TSPEAR: variants seen among roughly 807,000 people sequenced by gnomAD.
TSPEAR encodes thrombospondin type laminin G domain and EAR repeats.
TSPEAR carries 69 observed loss-of-function variants against 71.6 expected under a neutral mutation model. The ratio of observed to expected loss-of-function variants is 0.96; its 90% CI spans 0.79 to 1.18. The LOEUF is 1.18. Ranked by LOEUF, TSPEAR falls within the 50% of genes most tolerant of loss-of-function variation. The probability of loss-of-function intolerance (pLI) is 0.00; values close to 1 mark genes in which losing one functional copy is unlikely to be tolerated. For synonymous variants in TSPEAR, 402 were observed against 387.2 expected, an observed-to-expected ratio of 1.04 and a Z score of -0.45; for missense variants, 971 against 894.9, an observed-to-expected ratio of 1.09 and a Z score of -1.09.
intron 1 of TSPEAR, chr21:44,676,267 A>G (rs1986308125): frequency 6.3e-6 from 8 of 1,264,738 alleles, no homozygotes; most frequent in Non-Finnish European, 9.3e-6. Flanking sequence ...TTCACTGTAC[A>G]CCCCATGGGT....
chr21:44,644,051 C>T (rs1984168594), intron 1 of TSPEAR, among the ~76,000 whole-genome samples: 1 of 152,252 alleles, frequency 6.6e-6, no homozygotes, highest in African/African-American at 2.4e-5. Context: ...TCCAGACTCA[C>T]ATCCCCTCCC....
rs374557576 is a variant in TSPEAR at position 44,593,842 on chromosome 21, G to C, written c.83-25837C>G. 1.3e-5 allele frequency among the ~76,000 whole-genome samples: 2 copies of C among 152,152 alleles called. No individual in the cohort carries two copies. The highest frequency in any genetic ancestry group is 4.8e-5 in the African/African-American group (2 of 41,432). On this transcript the variant is annotated intron_variant, in intron 1 of 11. Coordinates refer to ENST00000323084, the MANE Select transcript of TSPEAR (RefSeq NM_144991.3). The surrounding 1 kb of genome is among the most constrained non-coding windows in gnomAD (Gnocchi z 5.9). ...TGGCCCCGCGATGAGGATGAGCAAG[G>C]TTCAAACGACTGCAGCTCATCCACC...
At chr21:44,645,911 G>A (rs967504525) in intron 1 of TSPEAR, among the ~76,000 whole-genome samples, 18 of 151,586 alleles carry the variant, frequency 1.2e-4, no homozygotes, top group Middle Eastern at 3.4e-3. Context: ...AGGCTGAGGC[G>A]GGTAGATCAT....
chr21:44,526,345 T>A (rs2052854551), intron 7 of TSPEAR, among the ~76,000 whole-genome samples: 1 of 152,190 alleles, frequency 6.6e-6, no homozygotes, highest in Non-Finnish European at 1.5e-5. Flanking sequence ...GACGATGTGC[T>A]TGGAGGCAAG....
intron 1 of TSPEAR, among the ~76,000 whole-genome samples, chr21:44,628,450 G>T (rs1377146225): frequency 6.6e-6 from 1 of 151,850 alleles, no homozygotes; most frequent in Non-Finnish European, 1.5e-5. Flanking sequence ...GCTCTGGGGG[G>T]CTGGGCCCCG....
At chr21:44,539,268 A>G (rs2053154929) in intron 2 of TSPEAR, 1 of 1,597,516 alleles carries the variant, frequency 6.3e-7, no homozygotes, top group Non-Finnish European at 8.5e-7. Context: ...GCGGGTGCCC[A>G]TCAGCAGCTG....
intron 1 of TSPEAR, among the ~76,000 whole-genome samples, chr21:44,599,948 A>G (rs425276): frequency 1.3e-5 from 2 of 152,066 alleles, no homozygotes; most frequent in African/African-American, 4.8e-5. Context: ...GGGGGCCCCA[A>G]ACAGGGATCT....
At chr21:44,678,569 G>A (rs1433405870) in intron 1 of TSPEAR, among the ~76,000 whole-genome samples, 2 of 152,096 alleles carry the variant, frequency 1.3e-5, no homozygotes, top group Admixed American at 1.3e-4. Context: ...TATCTTTATA[G>A]CAATGTAAGA....
chr21:44,691,650 A>T (rs1347583081), intron 1 of TSPEAR, among the ~76,000 whole-genome samples: 2 of 152,244 alleles, frequency 1.3e-5, no homozygotes, highest in Non-Finnish European at 2.9e-5. Context: ...TTCATTTTCA[A>T]TAATGAACAG....
intron 1 of TSPEAR, among the ~76,000 whole-genome samples, chr21:44,569,071 A>C (rs2053748505): frequency 6.6e-6 from 1 of 151,934 alleles, no homozygotes; most frequent in Non-Finnish European, 1.5e-5. Flanking sequence ...GGAGAGCAGG[A>C]CTCCACTCCA....
At chr21:44,706,420 C>T (rs1987924163) in intron 1 of TSPEAR, among the ~76,000 whole-genome samples, 1 of 151,648 alleles carries the variant, frequency 6.6e-6, no homozygotes, top group East Asian at 1.9e-4. Context: ...TGCACACACA[C>T]GCGCGCACAC....
rs587726596 is a variant in TSPEAR, at chr21:44,600,163, G to A, written c.83-32158C>T. The stretch of plus-strand genomic sequence containing the variant: ...CCACCCTCATGCCATCATTGACAGG[G>A]GCTTCTCTAGCCTGGCATTCCAGAA... On this transcript the variant is annotated intron_variant, in intron 1 of 11. Coordinates refer to ENST00000323084, the MANE Select transcript of TSPEAR (RefSeq NM_144991.3). Among the ~76,000 whole-genome samples the A allele has an allele frequency of 7.9e-5, 12 of 152,142 alleles. 1 individual carries two copies. The South Asian group carries it at 2.5e-3, about 32-fold the overall frequency.
chr21:44,539,133 G>A, intron 2 of TSPEAR: 1 of 1,213,062 alleles, frequency 8.2e-7, no homozygotes, highest in Non-Finnish European at 1.1e-6. Context: ...CTGGGGAGCT[G>A]CAAGGATGGA....
intron 9 of TSPEAR, chr21:44,517,607 G>A (rs2145949061): frequency 5.3e-6 from 2 of 375,290 alleles, no homozygotes; most frequent in South Asian, 3.9e-5. Flanking sequence ...GCCCCTTCCT[G>A]CTGCTTCCCA....
chr21:44,580,197 G>A (rs1343471517), intron 1 of TSPEAR: 2 of 1,614,012 alleles, frequency 1.2e-6, no homozygotes, highest in African/African-American at 2.7e-5. Flanking sequence ...CAGCAGGACT[G>A]CTGGCAGGAG....
intron 1 of TSPEAR, among the ~76,000 whole-genome samples, chr21:44,663,504 T>A (rs934876210): frequency 9.2e-5 from 14 of 152,114 alleles, no homozygotes; most frequent in African/African-American, 3.4e-4. Context: ...ATGGCCTCCC[T>A]GGAAAATTCT....
chr21:44,691,206 C>T (rs1987110805), intron 1 of TSPEAR, among the ~76,000 whole-genome samples: 2 of 152,070 alleles, frequency 1.3e-5, no homozygotes, highest in South Asian at 4.2e-4. Flanking sequence ...CTTTGAGTCC[C>T]TCTCTCTCCC....
At chr21:44,500,524 A>G (rs1272019652) in intron 11 of TSPEAR, among the ~76,000 whole-genome samples, 1 of 152,252 alleles carries the variant, frequency 6.6e-6, no homozygotes, top group Admixed American at 6.5e-5. Context: ...CGAGTTGTTT[A>G]CATTTAATAT....
intron 1 of TSPEAR, among the ~76,000 whole-genome samples, chr21:44,590,389 G>C (rs1329741299): frequency 6.6e-6 from 1 of 152,096 alleles, no homozygotes; most frequent in Non-Finnish European, 1.5e-5. Flanking sequence ...CGGGGTCAGA[G>C]TCCAGGACCA....
Sources: gnomAD v4.1 joint callset for allele counts (sites outside exome capture counted in the v4.1 genomes callset) on GRCh38, gnomAD v4.1.1 for gene constraint, Gnocchi (gnomAD v3.1) non-coding constraint, MANE v1.5 for transcripts, NCBI Gene and HGNC (gene_info 2026-07-23, HGNC 2026-07-21) for gene names.